PLPP5: variants seen among roughly 807,000 people sequenced by gnomAD.
PLPP5 encodes diacylglycerol pyrophosphate like 1.
Under a neutral mutation model 23.6 loss-of-function variants are expected in PLPP5, and 29 were observed. That is an observed-to-expected ratio of 1.23 (90% CI 0.92 to 1.68). PLPP5 has a LOEUF of 1.68. PLPP5 is among the 40% of genes most tolerant of loss of function. The probability of loss-of-function intolerance (pLI) is 0.00; values close to 1 mark genes in which losing one functional copy is unlikely to be tolerated. For missense variants in PLPP5, 315 were observed against 332.1 expected (o/e 0.95, Z 0.40); for synonymous variants, 143 against 131.3 (o/e 1.09, Z -0.61).
Position 38,268,429 on chromosome 8 carries a change from G to T in PLPP5, c.216C>A (p.Ile72=). 6.3e-7 allele frequency: 1 copy of T among 1,577,258 alleles called. No homozygotes were observed. The highest frequency in any genetic ancestry group is 8.6e-7 in the Non-Finnish European group (1 of 1,161,280). Residue 72 remains isoleucine, a synonymous_variant, in exon 3 of 7, where the codon ATC becomes ATA. Coordinates refer to ENST00000424479, the MANE Select transcript of PLPP5 (RefSeq NM_001102559.2). Reference sequence around the variant, plus strand: ...CCTTCTTGAGAAATTTGGCCAGGAAGATCAGAGACAGTGGAGAGAGAAATG... The same window carrying T: ...CCTTCTTGAGAAATTTGGCCAGGAATATCAGAGACAGTGGAGAGAGAAATG... The part of the protein sequence containing the change: ...VIAFLSPLSL[I]FLAKFLKKAD...
chr8:38,264,075 A>T lies in PLPP5; in HGVS notation c.*369T>A, dbSNP rs1807240657. The T allele has an allele frequency of 1.0e-6, 1 of 990,340 alleles. No individual in the cohort carries two copies. The highest frequency in any genetic ancestry group is 1.2e-6 in the Non-Finnish European group (1 of 833,354). 61.3% of individuals were successfully genotyped at this position (990,340 alleles called of 1,614,324 possible). On this transcript the variant is annotated 3_prime_UTR_variant, in exon 7 of 7. Coordinates refer to ENST00000424479, the MANE Select transcript of PLPP5 (RefSeq NM_001102559.2). The stretch of plus-strand genomic sequence containing the variant: ...CACTTGCACCTTGGAAGGGGAAAAA[A>T]AGGCTAGAATTTCTTGTCTTGTGCA...
At position 38,268,459 on chromosome 8, in the gene PLPP5, A is replaced by G; in HGVS notation, c.186T>C (p.Val62=). 2 of 1,568,968 alleles carry G rather than the reference A, an allele frequency of 1.3e-6. No homozygotes were observed. Among genetic ancestry groups the G allele is most frequent in the Non-Finnish European group, 8.6e-7 (1 of 1,156,538 alleles). Residue 62 remains valine (V), a splice_region_variant and synonymous_variant, in exon 3 of 7, where the codon GTT becomes GTC. Coordinates refer to ENST00000424479, the MANE Select transcript of PLPP5 (RefSeq NM_001102559.2). ...AEYFPTKPMF[V]IAFLSPLSLI... Reference sequence around the variant, plus strand: ...GAGACAGTGGAGAGAGAAATGCAATAACCTGAATCAGAATGTCAGAGGTTA... The same window carrying G: ...GAGACAGTGGAGAGAGAAATGCAATGACCTGAATCAGAATGTCAGAGGTTA...
rs1807802532 is a variant in PLPP5, at chr8:38,267,388, T to G, written c.342A>C (p.Pro114=). 2 of 1,613,210 alleles carry G rather than the reference T, an allele frequency of 1.2e-6. No homozygotes were observed. Residue 114 remains proline (P), a synonymous_variant, in exon 5 of 7, where the codon CCA becomes CCC. Transcript: ENST00000424479. ...TNTIKLIVGR[P]RPDFFYRCFP... is the part of the protein sequence containing the mutation. ...AGCAGCGGTAGAAGAAATCTGGGCGTGGCCTGGAAGAAAGCAGCATGGTTG... is the reference window on the plus strand; with the variant it reads ...AGCAGCGGTAGAAGAAATCTGGGCGGGGCCTGGAAGAAAGCAGCATGGTTG...
chr8:38,268,096 C>T (rs1807964725), intron 3 of PLPP5, 136 bp from the exon 4 acceptor site: 1 of 1,486,648 alleles, frequency 6.7e-7, no homozygotes, highest in African/African-American at 1.4e-5. Flanking sequence ...TAATTAGGGT[C>T]CTCAGTGATC....
intron 6 of PLPP5, chr8:38,265,218 A>T: frequency 1.4e-5 from 4 of 282,066 alleles, no homozygotes; most frequent in East Asian, 8.8e-5. Context: ...GTGAGCCGAG[A>T]TGGTGCCACT....
chr8:38,263,797 G>A lies in PLPP5; in HGVS notation c.*647C>T, dbSNP rs1236955446. On this transcript the variant is annotated 3_prime_UTR_variant, in exon 7 of 7. Transcript: ENST00000424479. Reference sequence around the variant, plus strand: ...TGAACTCTAGCTTCTGAGACAAGGTGGGGCTATGTAAAGGCTTCTTTGTGA... The same window carrying A: ...TGAACTCTAGCTTCTGAGACAAGGTAGGGCTATGTAAAGGCTTCTTTGTGA... 2.0e-6 allele frequency: 2 copies of A among 985,116 alleles called. No individual in the cohort carries two copies. The highest frequency in any genetic ancestry group is 2.3e-4 in the East Asian group (2 of 8,824). 61.0% of individuals were successfully genotyped at this position (985,116 alleles called of 1,614,324 possible).
At chr8:38,264,904 T>A in intron 6 of PLPP5, 1 of 1,612,822 alleles carries the variant, frequency 6.2e-7, no homozygotes, top group Non-Finnish European at 8.5e-7. Flanking sequence ...GTAACAAAGG[T>A]CCACTTATTG....
At chr8:38,268,184 A>T in intron 3 of PLPP5, 187 bp downstream of exon 3, 1 of 1,163,994 alleles carries the variant, frequency 8.6e-7, no homozygotes, top group Non-Finnish European at 1.2e-6. Flanking sequence ...ATTTAGGCAC[A>T]GGGCTGCCTG....
chr8:38,269,045 C>T, intron 1 of PLPP5, 55 bp from the exon 2 acceptor site: 1 of 1,530,492 alleles, frequency 6.5e-7, no homozygotes, highest in South Asian at 1.2e-5. Context: ...CCCCGCTTCC[C>T]CACTGCCCGA....
In PLPP5 at chr8:38,263,765, T is replaced by C; in HGVS notation, c.*679A>G. On this transcript the variant is annotated 3_prime_UTR_variant, in exon 7 of 7. Transcript: ENST00000424479. ...AGCTATATGAAATGGAAATTAAGTT[T>C]TGATAATGAACTCTAGCTTCTGAGA... The C allele has an allele frequency of 3.0e-6, 3 of 985,422 alleles. No homozygotes were observed. The highest frequency in any genetic ancestry group is 3.6e-6 in the Non-Finnish European group (3 of 829,920). 61.0% of individuals were successfully genotyped at this position (985,422 alleles called of 1,614,324 possible).
intron 6 of PLPP5, 115 bp from the exon 7 acceptor site, chr8:38,264,719 C>T (rs1209362507): frequency 5.6e-6 from 8 of 1,437,038 alleles, no homozygotes; most frequent in Non-Finnish European, 7.4e-6. Context: ...GCTAAAATAA[C>T]CTCAATTCCA....
chr8:38,268,770 A>C (rs1317280403), intron 2 of PLPP5, 112 bp downstream of exon 2: 1 of 1,439,310 alleles, frequency 6.9e-7, no homozygotes, highest in Non-Finnish European at 9.1e-7. Context: ...AGCGCACAGC[A>C]GCGGAGTGGG....
At chr8:38,264,667 A>G (rs547313158) in intron 6 of PLPP5, 63 bp from the exon 7 acceptor site, 2 of 1,485,794 alleles carry the variant, frequency 1.3e-6, no homozygotes, top group East Asian at 4.8e-5. Flanking sequence ...TTACATACAC[A>G]TAGCATAGAG....
chr8:38,267,845 T>G (rs1807902231), intron 4 of PLPP5, 52 bp downstream of exon 4: 10 of 1,553,376 alleles, frequency 6.4e-6, no homozygotes, highest in Non-Finnish European at 8.9e-6. Context: ...CTCTCTGTTC[T>G]GGTGGGTAAG....
intron 1 of PLPP5, 42 bp downstream of exon 1, chr8:38,269,084 G>A: frequency 6.5e-7 from 1 of 1,528,494 alleles, no homozygotes; most frequent in Non-Finnish European, 8.8e-7. Context: ...CCGCCTGCCT[G>A]GGAAGCGGGG....
intron 2 of PLPP5, 62 bp downstream of exon 2, chr8:38,268,820 C>G (rs1202217659): frequency 1.2e-5 from 17 of 1,465,844 alleles, no homozygotes; most frequent in Non-Finnish European, 1.4e-5. Context: ...GTGGAAAACG[C>G]ACAGGTGCCC....
intron 2 of PLPP5, 52 bp from the exon 3 acceptor site, chr8:38,268,513 T>TG: frequency 6.5e-7 from 1 of 1,544,050 alleles, no homozygotes; most frequent in South Asian, 1.2e-5. Flanking sequence ...GCCACACTCG[T>TG]GCTCCTACAG....
At chr8:38,268,046 T>C in intron 3 of PLPP5, 86 bp from the exon 4 acceptor site, 1 of 1,599,756 alleles carries the variant, frequency 6.3e-7, no homozygotes, top group Non-Finnish European at 8.5e-7. Flanking sequence ...CCGTGCTGTT[T>C]CTGAGATGGA....
At chr8:38,267,174 G>A (rs1807751454) in intron 5 of PLPP5, 93 bp downstream of exon 5, 3 of 1,607,736 alleles carry the variant, frequency 1.9e-6, no homozygotes, top group African/African-American at 1.3e-5. Context: ...GTAGAAACAA[G>A]AGTAGTCAGA....
Sources: allele counts gnomAD v4.1 joint callset, GRCh38; gene constraint gnomAD v4.1.1; transcripts MANE v1.5; gene names NCBI Gene and HGNC (gene_info 2026-07-23, HGNC 2026-07-21).